The following MAGI2 variants were observed in gnomAD, a reference collection of about 807,000 sequenced individuals.
MAGI2 encodes membrane associated guanylate kinase, WW and PDZ domain containing 2.
A neutral mutation model predicts 133.3 loss-of-function variants in MAGI2; 35 were observed. The observed-to-expected ratio is 0.26, with a 90% CI of 0.20 to 0.35. MAGI2 has a LOEUF of 0.35. MAGI2 is among the 10% of genes least tolerant of loss of function. MAGI2 has a pLI of 1.00. For missense variants in MAGI2, 1,636 were observed against 1,863.4 expected (o/e 0.88, Z 2.25); for synonymous variants, 729 against 710.6 (o/e 1.03, Z -0.41).
At chr7:78,195,502 T>C (rs1168913326) in intron 11 of MAGI2, among the ~76,000 whole-genome samples, 1 of 152,242 alleles carries the variant, frequency 6.6e-6, no homozygotes, top group African/African-American at 2.4e-5. Context: ...CGTCTGCATA[T>C]ACTCATTTGA....
chr7:78,846,996 T>C (rs1473100281), intron 2 of MAGI2, among the ~76,000 whole-genome samples: 1 of 152,018 alleles, frequency 6.6e-6, no homozygotes, highest in Non-Finnish European at 1.5e-5. Context: ...TTAATGATTC[T>C]CACTTTAGAA....
At chr7:78,292,217 T>C (rs187803726) in intron 9 of MAGI2, among the ~76,000 whole-genome samples, 173 of 152,340 alleles carry the variant, frequency 1.1e-3, no homozygotes, top group African/African-American at 4.0e-3. Flanking sequence ...CTTAAGCTGA[T>C]AAGCAACTTC....
chr7:78,496,790 A>G (rs2150510892), intron 5 of MAGI2, among the ~76,000 whole-genome samples: 1 of 152,288 alleles, frequency 6.6e-6, no homozygotes, highest in East Asian at 1.9e-4. Flanking sequence ...GGTTAAGAAC[A>G]AGGACCATGG....
At chr7:78,527,492 C>T (rs1024790976) in intron 3 of MAGI2, among the ~76,000 whole-genome samples, 2 of 152,116 alleles carry the variant, frequency 1.3e-5, no homozygotes, top group Admixed American at 6.6e-5. Context: ...ACGATTTCAA[C>T]GAATTTAAAC....
chr7:78,167,781 G>T, intron 15 of MAGI2, 135 bp downstream of exon 15: 1 of 783,920 alleles, frequency 1.3e-6, no homozygotes, highest in Non-Finnish European at 2.0e-6. Flanking sequence ...ATTACTTTTG[G>T]AATATCTAGG....
In MAGI2 at chr7:78,610,849, G is replaced by A. The variant is rs138477131; in HGVS notation, c.538+16271C>T. ...ATAGAAGAGCAAAGCGAGTCATCCC[G>A]TTTTGGAAAGGGAAATAGGGTAAAT... On this transcript the variant is annotated intron_variant, in intron 3 of 21. Transcript: ENST00000354212. Among the ~76,000 whole-genome samples, 112 of 152,256 alleles carry A rather than the reference G, an allele frequency of 7.4e-4. 2 individuals are homozygous for A. In the South Asian group the frequency reaches 7.5e-3, roughly 10 times the overall value.
At chr7:78,460,671 T>C (rs952128730) in intron 6 of MAGI2, among the ~76,000 whole-genome samples, 2 of 152,170 alleles carry the variant, frequency 1.3e-5, no homozygotes, top group African/African-American at 4.8e-5. Context: ...ACCTAGCCCA[T>C]TTCTTGGAAC....
At chr7:78,340,500 C>CA (rs1271199646) in intron 9 of MAGI2, among the ~76,000 whole-genome samples, 2 of 151,938 alleles carry the variant, frequency 1.3e-5, no homozygotes, top group Non-Finnish European at 2.9e-5. Flanking sequence ...AGAGATACAA[C>CA]AAAAAAAGAA....
At chr7:78,293,255 C>G (rs535888670) in intron 9 of MAGI2, among the ~76,000 whole-genome samples, 2 of 152,130 alleles carry the variant, frequency 1.3e-5, no homozygotes, top group Non-Finnish European at 2.9e-5. Context: ...TCAAACCACC[C>G]CATCGAAAAG....
intron 21 of MAGI2, among the ~76,000 whole-genome samples, chr7:78,071,341 G>A (rs1397407623): frequency 1.3e-5 from 2 of 152,084 alleles, no homozygotes; most frequent in African/African-American, 4.8e-5. Flanking sequence ...TTTGAGACCA[G>A]CCTAGCCAAC....
intron 2 of MAGI2, among the ~76,000 whole-genome samples, chr7:78,881,862 A>C (rs770382231): frequency 1.3e-5 from 2 of 151,864 alleles, no homozygotes; most frequent in Non-Finnish European, 2.9e-5. Flanking sequence ...TTTCAAATTA[A>C]TGATCTAACA....
At chr7:79,003,324 G>A (rs1416013560) in intron 2 of MAGI2, among the ~76,000 whole-genome samples, 1 of 152,130 alleles carries the variant, frequency 6.6e-6, no homozygotes, top group Non-Finnish European at 1.5e-5. Flanking sequence ...TAATGTAGTG[G>A]TTGTAAGCAG....
chr7:78,518,968 A>G (rs1796263694), intron 4 of MAGI2: 1 of 152,186 alleles, frequency 6.6e-6, no homozygotes, highest in Non-Finnish European at 1.5e-5. Flanking sequence ...TCAAACTCCT[A>G]TGAAAGTGAT....
At position 78,037,854 on chromosome 7, in the gene MAGI2, A is replaced by G. The variant is rs567259163; in HGVS notation, c.3707-17878T>C. Among the ~76,000 whole-genome samples the G allele has an allele frequency of 2.6e-5, 4 of 152,334 alleles. No individual in the cohort carries two copies. The South Asian group carries it at 8.3e-4, about 32-fold the overall frequency. On this transcript the variant is annotated intron_variant, in intron 21 of 21. Coordinates refer to ENST00000354212, the MANE Select transcript of MAGI2 (RefSeq NM_012301.4). Reference sequence around the variant, plus strand: ...TTTATGTTGGTGGACCTGCTGTAGAATGGTCCCCATTTCTTTCGTTCAGTA... The same window carrying G: ...TTTATGTTGGTGGACCTGCTGTAGAGTGGTCCCCATTTCTTTCGTTCAGTA...
chr7:78,398,815 T>A (rs1796593332), intron 6 of MAGI2, among the ~76,000 whole-genome samples: 2 of 152,098 alleles, frequency 1.3e-5, no homozygotes, highest in South Asian at 4.1e-4. Context: ...CTCACCCTAG[T>A]GTTTAAAAAT....
intron 2 of MAGI2, among the ~76,000 whole-genome samples, chr7:78,653,525 A>G (rs1240129015): frequency 1.3e-5 from 2 of 152,174 alleles, no homozygotes; most frequent in Admixed American, 6.5e-5. Flanking sequence ...TCAGCAAACT[A>G]ACACAGGAAC....
At chr7:78,536,062 A>G (rs1311117141) in intron 3 of MAGI2, among the ~76,000 whole-genome samples, 1 of 150,812 alleles carries the variant, frequency 6.6e-6, no homozygotes, top group Non-Finnish European at 1.5e-5. Context: ...GGTAATAATA[A>G]AACTCTGGCC....
intron 1 of MAGI2, among the ~76,000 whole-genome samples, chr7:79,379,056 A>C (rs1291282531): frequency 6.7e-6 from 1 of 149,584 alleles, no homozygotes; most frequent in Non-Finnish European, 1.5e-5. Context: ...GGTGTGCTGC[A>C]CCCATTAACT....
intron 9 of MAGI2, among the ~76,000 whole-genome samples, 189 bp from the exon 10 acceptor site, chr7:78,256,770 T>C (rs1281983348): frequency 6.6e-6 from 1 of 152,156 alleles, no homozygotes; most frequent in African/African-American, 2.4e-5. Context: ...AATACAATGA[T>C]GAAGTGCTGA....
Sources: allele counts gnomAD v4.1 joint callset (sites outside exome capture counted in the v4.1 genomes callset), GRCh38; gene constraint gnomAD v4.1.1; transcripts MANE v1.5; gene names NCBI Gene and HGNC (gene_info 2026-07-23, HGNC 2026-07-21).